HIF1A: variants seen among roughly 807,000 people sequenced by gnomAD.
HIF1A encodes the protein hypoxia-inducible factor 1-alpha.
Under a neutral mutation model 92.7 loss-of-function variants are expected in HIF1A, and 24 were observed. The observed-to-expected ratio is 0.26, with a 90% CI of 0.19 to 0.36. HIF1A has a LOEUF of 0.36. Among genes scored for constraint, HIF1A ranks in the 10% least tolerant of loss-of-function variants. The pLI, the probability that HIF1A is intolerant of heterozygous loss-of-function variation, is 1.00. For synonymous variants in HIF1A, 319 were observed against 338.7 expected (o/e 0.94, Z 0.64); for missense variants, 799 against 998.5 (o/e 0.80, Z 2.69).
chr14:61,729,934 A>C (rs887040679), intron 6 of HIF1A, among the ~76,000 whole-genome samples: 9 of 152,200 alleles, frequency 5.9e-5, no homozygotes, highest in African/African-American at 1.9e-4. Flanking sequence ...ATAACCCCTG[A>C]GAACCAAGCT....
intron 8 of HIF1A, among the ~76,000 whole-genome samples, chr14:61,735,757 C>A (rs1001501894): frequency 2.0e-5 from 3 of 152,188 alleles, no homozygotes; most frequent in Admixed American, 1.3e-4. Flanking sequence ...TATATTCTTA[C>A]CACCAAAGAA....
At chr14:61,744,673 T>C in intron 12 of HIF1A, 32 bp from the exon 13 acceptor site, 1 of 919,676 alleles carries the variant, frequency 1.1e-6, no homozygotes, top group Non-Finnish European at 1.7e-6. Context: ...TTAAAAACGC[T>C]ATATTTTCAT....
chr14:61,729,427 A>C (rs1415342343), intron 6 of HIF1A, among the ~76,000 whole-genome samples: 2 of 150,520 alleles, frequency 1.3e-5, no homozygotes, highest in Non-Finnish European at 3.0e-5. Context: ...GCACCACTGC[A>C]CTCCGGCCTG....
At chr14:61,721,376 C>A in intron 2 of HIF1A, 133 bp from the exon 3 acceptor site, 1 of 658,790 alleles carries the variant, frequency 1.5e-6, no homozygotes, top group Non-Finnish European at 2.5e-6. Context: ...CTGGCCTGCA[C>A]TTTTCTGTGT....
In HIF1A at chr14:61,747,017, C is replaced by T. The variant is rs1354416944; in HGVS notation, c.2413C>T (p.Pro805Ser). 1.9e-6 allele frequency: 3 copies of T among 1,613,296 alleles called. No homozygotes were observed. Among genetic ancestry groups the T allele is most frequent in the African/African-American group, 2.7e-5 (2 of 74,908 alleles). ...LTSYDCEVNA[P>S]IQGSRNLLQG... ...CAGTTATGATTGTGAAGTTAATGCT[C>T]CTATACAAGGCAGCAGAAACCTACT... is the stretch of plus-strand genomic sequence containing the variant. Residue 805 changes from proline (P) to serine (S), a missense_variant, in exon 15 of 15, where the codon CCT becomes TCT. Physicochemically the swap from Pro to Ser is moderately conservative, Grantham distance 74 (BLOSUM62 -1). Transcript: ENST00000337138.
At chr14:61,696,466 A>T (rs1191980140) in intron 1 of HIF1A, among the ~76,000 whole-genome samples, 2 of 152,174 alleles carry the variant, frequency 1.3e-5, no homozygotes, top group Non-Finnish European at 2.9e-5. Context: ...TGGCCTTAAG[A>T]TGCGAACTTT....
At chr14:61,737,798 G>A (rs1012595172) in intron 9 of HIF1A, among the ~76,000 whole-genome samples, 5 of 152,070 alleles carry the variant, frequency 3.3e-5, no homozygotes, top group African/African-American at 7.2e-5. Flanking sequence ...AGGCCGAGGC[G>A]GGTGGATCAC....
intron 8 of HIF1A, among the ~76,000 whole-genome samples, chr14:61,735,981 A>C (rs1416773941): frequency 1.5e-5 from 2 of 130,664 alleles, no homozygotes; most frequent in Non-Finnish European, 3.1e-5. Context: ...GGATATCTGA[A>C]ATTCTTTTTT....
chr14:61,740,268 T>G, intron 10 of HIF1A: 1 of 240,014 alleles, frequency 4.2e-6, no homozygotes, highest in Non-Finnish European at 8.1e-6. Context: ...GGTTTCACCA[T>G]GTTGGCCAGG....
At chr14:61,718,105 T>C (rs2044384083) in intron 1 of HIF1A, among the ~76,000 whole-genome samples, 1 of 151,942 alleles carries the variant, frequency 6.6e-6, no homozygotes, top group Non-Finnish European at 1.5e-5. Context: ...CATTTATTGG[T>C]AGTTTACATC....
Position 61,743,163 on chromosome 14 carries a change from G to A in HIF1A, c.2094-1542G>A, listed in dbSNP as rs190797204. ...CTTGGCTCACCGCAACTGCCGCCTCGCTGGTTCAAGCAAATCTCGTGCCTC... is the reference window on the plus strand; with the variant it reads ...CTTGGCTCACCGCAACTGCCGCCTCACTGGTTCAAGCAAATCTCGTGCCTC... On this transcript the variant is annotated intron_variant, in intron 12 of 14. Coordinates refer to ENST00000337138, the MANE Select transcript of HIF1A (RefSeq NM_001530.4). 2.7e-3 allele frequency among the ~76,000 whole-genome samples: 416 copies of A among 152,138 alleles called. 4 individuals carry two copies. The highest frequency in any genetic ancestry group is 9.2e-3 in the African/African-American group (384 of 41,532).
Position 61,716,609 on chromosome 14 carries a change from A to T in HIF1A, c.36-3773A>T, listed in dbSNP as rs551667479. On this transcript the variant is annotated intron_variant, in intron 1 of 14. Coordinates refer to ENST00000337138, the MANE Select transcript of HIF1A (RefSeq NM_001530.4). ...ATTTTGTGTCCTTTTATTTTTTTTT[A>T]ATTTTTACTGACCTACTACAAAGCA... Among the ~76,000 whole-genome samples the T allele has an allele frequency of 5.3e-5, 8 of 151,988 alleles. No homozygotes were observed. In the South Asian group the frequency reaches 1.7e-3, roughly 32 times the overall value.
intron 4 of HIF1A, among the ~76,000 whole-genome samples, chr14:61,724,102 GGTTT>G (rs1226982302): frequency 2.0e-5 from 3 of 150,626 alleles, no homozygotes; most frequent in African/African-American, 2.4e-5. Context: ...TTTTTTTAAT[GGTTT>G]GTTTTTGTTT....
Position 61,740,534 on chromosome 14 carries a change from T to C in HIF1A, c.1566T>C (p.Tyr522=). Reference sequence around the variant, plus strand: ...ATAGTCCCAGTGAATATTGTTTTTATGTGGATAGTGATATGGTCAATGAAT... The same window carrying C: ...ATAGTCCCAGTGAATATTGTTTTTACGTGGATAGTGATATGGTCAATGAAT... ...EPNSPSEYCF[Y]VDSDMVNEFK... Residue 522 remains tyrosine, a synonymous_variant, in exon 11 of 15, where the codon TAT becomes TAC. Transcript: ENST00000337138. 4 of 1,593,568 alleles carry C rather than the reference T, an allele frequency of 2.5e-6. No homozygotes were observed. Among genetic ancestry groups the C allele is most frequent in the Non-Finnish European group, 3.4e-6 (4 of 1,166,570 alleles).
At chr14:61,714,113 A>C (rs868159810) in intron 1 of HIF1A, among the ~76,000 whole-genome samples, 1 of 152,202 alleles carries the variant, frequency 6.6e-6, no homozygotes, top group Non-Finnish European at 1.5e-5. Context: ...AACTGAGCAC[A>C]TTGTGAAATA....
chr14:61,720,751 CTCA>C (rs1048775913), intron 2 of HIF1A, among the ~76,000 whole-genome samples, 179 bp downstream of exon 2: 2 of 152,020 alleles, frequency 1.3e-5, no homozygotes, highest in African/African-American at 4.8e-5. Flanking sequence ...TCATTTTTTT[CTCA>C]TCAGTTATTC....
At chr14:61,742,798 T>C (rs1197044736) in intron 12 of HIF1A, among the ~76,000 whole-genome samples, 1 of 149,678 alleles carries the variant, frequency 6.7e-6, no homozygotes, top group Non-Finnish European at 1.5e-5. Flanking sequence ...GGCAGGAGAA[T>C]TGCTTGAACC....
chr14:61,732,421 T>C lies in HIF1A; in HGVS notation c.777T>C (p.Ile259=). 2 of 1,593,066 alleles carry C rather than the reference T, an allele frequency of 1.3e-6. No homozygotes were observed. Among genetic ancestry groups the C allele is most frequent in the Admixed American group, 1.7e-5 (1 of 59,576 alleles). ...DMKFSYCDER[I]TELMGYEPEE... ...ATCTTGTATTTTTTACTAACAGAAT[T>C]ACCGAATTGATGGGATATGAGCCAG... Residue 259 remains isoleucine, a synonymous_variant, in exon 7 of 15, where the codon ATT becomes ATC. Transcript: ENST00000337138.
Position 61,741,150 on chromosome 14 carries a change from A to G in HIF1A, c.2055A>G (p.Pro685=), listed in dbSNP as rs1323254965. Reference sequence around the variant, plus strand: ...TAGAACAGACAGAAAAATCTCATCCAAGAAGCCCTAACGTGTTATCTGTCG... The same window carrying G: ...TAGAACAGACAGAAAAATCTCATCCGAGAAGCCCTAACGTGTTATCTGTCG... The part of the protein sequence containing the change: ...GVIEQTEKSH[P]RSPNVLSVAL... Residue 685 remains proline, a synonymous_variant, in exon 12 of 15, where the codon CCA becomes CCG. Transcript: ENST00000337138. The G allele has an allele frequency of 6.2e-7, 1 of 1,612,514 alleles. No homozygotes were observed. Among genetic ancestry groups the G allele is most frequent in the Non-Finnish European group, 8.5e-7 (1 of 1,179,560 alleles).
Sources: gnomAD v4.1 joint callset for allele counts (sites outside exome capture counted in the v4.1 genomes callset) on GRCh38, gnomAD v4.1.1 for gene constraint, MANE v1.5 for transcripts, NCBI Gene and HGNC (gene_info 2026-07-23, HGNC 2026-07-21) for gene names.